Variants in ZNF800 observed in about 807,000 individuals in gnomAD.
ZNF800 encodes zinc finger protein 800.
A neutral mutation model predicts 59.5 loss-of-function variants in ZNF800; 13 were observed. The ratio of observed to expected loss-of-function variants is 0.22; its 90% CI spans 0.14 to 0.35. ZNF800 has a LOEUF of 0.35. ZNF800 is among the 10% of genes least tolerant of loss of function. ZNF800 has a pLI of 1.00. For synonymous variants in ZNF800, 266 were observed against 265.7 expected, an observed-to-expected ratio of 1.00 and a Z score of -0.01; for missense variants, 621 against 783.7, an observed-to-expected ratio of 0.79 and a Z score of 2.48.
chr7:127,345,009 A>G (rs780271155), downstream of ZNF800, among the ~76,000 whole-genome samples: 4 of 152,220 alleles, frequency 2.6e-5, no homozygotes, highest in African/African-American at 4.8e-5. Flanking sequence ...TTTATCAAAG[A>G]CATCATGGAT....
intron 1 of ZNF800, among the ~76,000 whole-genome samples, chr7:127,348,903 A>T (rs1334943652): frequency 1.3e-5 from 2 of 152,356 alleles, no homozygotes; most frequent in Non-Finnish European, 2.9e-5. Context: ...AAAAGATTTT[A>T]AAAAATGAAG....
rs1038259515 is a variant in ZNF800, at chr7:127,391,973, G to A, written c.-59+87C>T. Reference sequence around the variant, plus strand: ...GAGGTGCCGCTCCCGCCGGCTGCTGGCCCACGCCGCGCCCTCCCGCTACGC... The same window carrying A: ...GAGGTGCCGCTCCCGCCGGCTGCTGACCCACGCCGCGCCCTCCCGCTACGC... On this transcript the variant is annotated intron_variant, in intron 1 of 5. Transcript: ENST00000265827. 60 of 380,542 alleles carry A rather than the reference G, an allele frequency of 1.6e-4. 1 individual carries two copies. Among genetic ancestry groups the A allele is most frequent in the Non-Finnish European group, 2.6e-4 (56 of 215,108 alleles). 23.6% of individuals were successfully genotyped at this position (380,542 alleles called of 1,614,324 possible). A position where few individuals can be genotyped will look rare whatever the true frequency, so the allele number is the denominator to read the frequency against.
At position 127,375,834 on chromosome 7, in the gene ZNF800, A is replaced by G. The variant is rs192139137; in HGVS notation, c.302-800T>C. Among the ~76,000 whole-genome samples, 184 of 152,092 alleles carry G rather than the reference A, an allele frequency of 1.2e-3. 1 individual carries two copies. Among genetic ancestry groups the G allele is most frequent in the African/African-American group, 4.0e-3 (167 of 41,556 alleles). ...ATTTAGTACCAAATCTGGTATCTATACCAATCAGGAAGTGATTCATTATAG... is the reference window on the plus strand; with the variant it reads ...ATTTAGTACCAAATCTGGTATCTATGCCAATCAGGAAGTGATTCATTATAG... On this transcript the variant is annotated intron_variant, in intron 4 of 5. Coordinates refer to ENST00000265827, the MANE Select transcript of ZNF800 (RefSeq NM_176814.5).
At chr7:127,384,425 G>A (rs1340773260) in intron 3 of ZNF800, among the ~76,000 whole-genome samples, 1 of 151,154 alleles carries the variant, frequency 6.6e-6, no homozygotes, top group Non-Finnish European at 1.5e-5. Context: ...TAGTAGAGAC[G>A]GAGTTTCACC....
chr7:127,366,953 G>A (rs573733621), downstream of ZNF800, among the ~76,000 whole-genome samples: 1 of 152,272 alleles, frequency 6.6e-6, no homozygotes, highest in South Asian at 2.1e-4. Flanking sequence ...GAAGGGGAAA[G>A]TAGCGGAAGG....
At chr7:127,386,178 C>G in intron 2 of ZNF800, 23 bp from the exon 3 acceptor site, 2 of 1,411,602 alleles carry the variant, frequency 1.4e-6, no homozygotes, top group Non-Finnish European at 2.0e-6. Flanking sequence ...CAAACACCCA[C>G]CCCAATCCCC....
At chr7:127,378,447 T>C (rs117998796) in intron 3 of ZNF800, among the ~76,000 whole-genome samples, 1,835 of 152,226 alleles carry the variant, frequency 0.012, 11 homozygotes, top group Middle Eastern at 0.024. Flanking sequence ...TATATTGACT[T>C]GAACAGGAAA....
At chr7:127,357,917 G>C (rs1484543337) in intron 1 of ZNF800, among the ~76,000 whole-genome samples, 2 of 151,680 alleles carry the variant, frequency 1.3e-5, no homozygotes, top group African/African-American at 4.8e-5. Context: ...GAAATAGGTA[G>C]GTATTATCCT....
In ZNF800 at chr7:127,373,682, T is replaced by G. The variant is rs1303044851; in HGVS notation, c.1654A>C (p.Ile552Leu). 6.2e-7 allele frequency: 1 copy of G among 1,614,176 alleles called. No individual in the cohort carries two copies. The highest frequency in any genetic ancestry group is 1.7e-5 in the Admixed American group (1 of 60,026). The change falls in exon 5 of 6, where the codon ATA (isoleucine) becomes CTA (leucine). Residue 552 changes from isoleucine to leucine, a missense_variant. Ile to Leu is a conservative substitution (Grantham distance 5). Around this residue, in one of 7 missense-constraint regions of ZNF800, gnomAD observed 46 missense variants for 118.4 expected, o/e 0.39. Coordinates refer to ENST00000265827, the MANE Select transcript of ZNF800 (RefSeq NM_176814.5). Reference protein sequence around the residue: ...HKKSSRYLGKITASLEIRAIK... With the variant: ...HKKSSRYLGKLTASLEIRAIK... ...GCTCTGATCTCTAAACTGGCTGTTATTTTCCCAAGATAACGAGATGACTTT... is the reference window on the plus strand; with the variant it reads ...GCTCTGATCTCTAAACTGGCTGTTAGTTTCCCAAGATAACGAGATGACTTT...
At position 127,379,844 on chromosome 7, in the gene ZNF800, A is replaced by ACCCCCCCCCCC. The variant is rs1562907457; in HGVS notation, c.158-2516_158-2515insGGGGGGGGGGG. ...TTCCCCTTACCCTTGCCACCCCCCC[A>ACCCCCCCCCCC]CCCCCCCACCCCCCCCACACACACA... On this transcript the variant is annotated intron_variant, in intron 3 of 5. Coordinates refer to ENST00000265827, the MANE Select transcript of ZNF800 (RefSeq NM_176814.5). 5.0e-4 allele frequency among the ~76,000 whole-genome samples: 7 copies of ACCCCCCCCCCC among 13,934 alleles called. 1 individual carries two copies. Among genetic ancestry groups the ACCCCCCCCCCC allele is most frequent in the African/African-American group, 1.3e-3 (5 of 3,742 alleles). The allele number at this position is 13,934 out of a possible 152,430, so 9.1% of individuals were successfully genotyped here.
chr7:127,345,905 C>T (rs188608776), downstream of ZNF800, among the ~76,000 whole-genome samples: 6 of 152,200 alleles, frequency 3.9e-5, no homozygotes, highest in Admixed American at 1.3e-4. Context: ...AGAGATGGTT[C>T]ACAGATGGAG....
At chr7:127,344,662 T>C (rs1281569695), downstream of ZNF800, among the ~76,000 whole-genome samples, 1 of 152,088 alleles carries the variant, frequency 6.6e-6, no homozygotes, top group East Asian at 1.9e-4. Flanking sequence ...GGTTAAGGAA[T>C]AGAGGATATA....
chr7:127,391,445 G>T, intron 2 of ZNF800, 52 bp downstream of exon 2: 1 of 1,555,388 alleles, frequency 6.4e-7, no homozygotes, highest in Non-Finnish European at 8.9e-7. Context: ...AAAAGAGAAG[G>T]CAGAGTGGCT....
At chr7:127,376,125 A>G (rs1301815817) in intron 4 of ZNF800, among the ~76,000 whole-genome samples, 2 of 152,052 alleles carry the variant, frequency 1.3e-5, no homozygotes, top group African/African-American at 4.8e-5. Flanking sequence ...TTATATCTCA[A>G]TGAGAGAATA....
intron 5 of ZNF800, chr7:127,372,998 AAAGT>A (rs1217154234): frequency 1.0e-6 from 1 of 985,218 alleles, no homozygotes; most frequent in East Asian, 1.1e-4. Flanking sequence ...AAACCTGTGC[AAAGT>A]TAGTTAAACA....
At chr7:127,391,899 G>C (rs1314311249) in intron 1 of ZNF800, among the ~76,000 whole-genome samples, 161 bp downstream of exon 1, 2 of 151,608 alleles carry the variant, frequency 1.3e-5, no homozygotes, top group Non-Finnish European at 2.9e-5. Context: ...GCGGGCGCGC[G>C]GAAACGGAGC....
At chr7:127,366,656 A>G (rs1253131472), downstream of ZNF800, among the ~76,000 whole-genome samples, 2 of 152,138 alleles carry the variant, frequency 1.3e-5, no homozygotes, top group Non-Finnish European at 2.9e-5. Context: ...AGAAAGAAAA[A>G]CATGTATACT....
chr7:127,366,538 G>A (rs1800509995), downstream of ZNF800, among the ~76,000 whole-genome samples: 1 of 152,156 alleles, frequency 6.6e-6, no homozygotes, highest in South Asian at 2.1e-4. Flanking sequence ...TGCAGATACT[G>A]ATCAAAACAC....
chr7:127,363,873 G>A (rs1285221869), intron 1 of ZNF800: 2 of 152,014 alleles, frequency 1.3e-5, no homozygotes, highest in East Asian at 3.9e-4. Flanking sequence ...GGGGACAAAG[G>A]ACAAGGGGTT....
Sources: allele counts gnomAD v4.1 joint callset (sites outside exome capture counted in the v4.1 genomes callset), GRCh38; gene constraint gnomAD v4.1.1; regional missense constraint gnomAD v4.1.1; transcripts MANE v1.5; gene names NCBI Gene and HGNC (gene_info 2026-07-23, HGNC 2026-07-21).